The following SUMO2 variants were observed in gnomAD, a reference collection of about 807,000 sequenced individuals.
SUMO2 encodes small ubiquitin-related modifier 2.
Under a neutral mutation model 16.0 loss-of-function variants are expected in SUMO2, and 1 was observed. The observed-to-expected ratio is 0.06, with a 90% CI of 0.02 to 0.30. The LOEUF (loss-of-function observed/expected upper bound fraction) is 0.30, where lower values mean the gene tolerates loss of function less well. SUMO2 is among the 10% of genes least tolerant of loss of function. The probability of loss-of-function intolerance (pLI) is 1.00; values close to 1 mark genes in which losing one functional copy is unlikely to be tolerated. For missense variants in SUMO2, 16 were observed against 117.5 expected, an observed-to-expected ratio of 0.14 and a Z score of 3.99; for synonymous variants, 36 against 40.6, an observed-to-expected ratio of 0.89 and a Z score of 0.43.
intron 2 of SUMO2, 102 bp downstream of exon 2, chr17:75,180,934 GCCAAGTGCATATTCATCCCAT>G (rs1568049424): frequency 1.8e-6 from 2 of 1,117,708 alleles, no homozygotes; most frequent in Admixed American, 4.7e-5. Context: ...AAACTGACGT[GCCAAGTGCATATTCATCCCAT>G]CAAAAAGTCA....
intron 3 of SUMO2, 75 bp downstream of exon 3, chr17:75,174,677 A>C: frequency 7.2e-7 from 1 of 1,393,506 alleles, no homozygotes. Flanking sequence ...CAGTGTCTAA[A>C]CGTTCAAATT....
intron 3 of SUMO2, 31 bp downstream of exon 3, chr17:75,174,721 T>A: frequency 6.3e-7 from 1 of 1,594,912 alleles, no homozygotes; most frequent in Non-Finnish European, 8.6e-7. Context: ...TTACAAATGG[T>A]AATTTTTCTA....
rs1265917959 is a variant in SUMO2 at position 75,167,006 on chromosome 17, G to C, written c.*1333C>G. The C allele has an allele frequency of 6.6e-6, 1 of 151,462 alleles. No individual in the cohort carries two copies. Among genetic ancestry groups the C allele is most frequent in the Admixed American group, 6.6e-5 (1 of 15,056 alleles). The allele number at this position is 151,462 out of a possible 1,614,324, so 9.4% of individuals were successfully genotyped here. On this transcript the variant is annotated 3_prime_UTR_variant, in exon 4 of 4. Coordinates refer to ENST00000420826, the MANE Select transcript of SUMO2 (RefSeq NM_006937.4). Reference sequence around the variant, plus strand: ...AAGGTTCTGAGGATGGATATATATAGATATTTTCTGTCCCTCAATATTCTT... The same window carrying C: ...AAGGTTCTGAGGATGGATATATATACATATTTTCTGTCCCTCAATATTCTT...
chr17:75,180,392 TA>T (rs58684188), intron 2 of SUMO2, among the ~76,000 whole-genome samples: 1,210 of 44,828 alleles, frequency 0.027, 34 homozygotes, highest in African/African-American at 0.09. Flanking sequence ...ACTCCCAGCT[TA>T]AAAAAAAAAA....
At chr17:75,170,563 TG>T (rs1177965452) in intron 3 of SUMO2, among the ~76,000 whole-genome samples, 3 of 148,908 alleles carry the variant, frequency 2.0e-5, no homozygotes, top group East Asian at 3.9e-4. Flanking sequence ...AGCAAGACTC[TG>T]TCTCAAAAAA....
intron 3 of SUMO2, among the ~76,000 whole-genome samples, chr17:75,169,364 C>A (rs929112988): frequency 4.6e-5 from 7 of 151,926 alleles, no homozygotes; most frequent in African/African-American, 1.2e-4. Context: ...CCTGGTGACA[C>A]CCCATCCCTA....
intron 2 of SUMO2, among the ~76,000 whole-genome samples, chr17:75,180,610 C>T (rs192783064): frequency 6.9e-4 from 105 of 151,734 alleles, no homozygotes; most frequent in African/African-American, 2.4e-3. Flanking sequence ...CCCAGATACT[C>T]AGGAGACTGA....
At chr17:75,179,804 G>A (rs1179132977) in intron 2 of SUMO2, among the ~76,000 whole-genome samples, 3 of 151,922 alleles carry the variant, frequency 2.0e-5, no homozygotes, top group African/African-American at 4.8e-5. Context: ...GATTATGCGC[G>A]TGTAACACCA....
chr17:75,166,222 T>C lies in SUMO2; in HGVS notation c.*2117A>G, dbSNP rs2145212376. On this transcript the variant is annotated 3_prime_UTR_variant, in exon 4 of 4. Transcript: ENST00000420826. Reference sequence around the variant, plus strand: ...CGGGCACAGTGGCTCAAGCCTGTAATCTCAGCACTTTGGGAGGCCAAGGCA... The same window carrying C: ...CGGGCACAGTGGCTCAAGCCTGTAACCTCAGCACTTTGGGAGGCCAAGGCA... 6.6e-6 allele frequency: 1 copy of C among 152,058 alleles called. No homozygotes were observed. Among genetic ancestry groups the C allele is most frequent in the South Asian group, 2.1e-4 (1 of 4,806 alleles). 9.4% of individuals were successfully genotyped at this position (152,058 alleles called of 1,614,324 possible).
intron 2 of SUMO2, among the ~76,000 whole-genome samples, chr17:75,177,556 C>T (rs2145223635): frequency 6.6e-6 from 1 of 151,226 alleles, no homozygotes; most frequent in South Asian, 2.1e-4. Flanking sequence ...GTGGTGCATG[C>T]CTGTAATCCC....
chr17:75,174,846 TA>T (rs775524639), intron 2 of SUMO2, 23 bp from the exon 3 acceptor site: 1 of 1,601,352 alleles, frequency 6.2e-7, no homozygotes, highest in African/African-American at 1.3e-5. Context: ...TTAAAAGCAA[TA>T]AACAGCATTA....
chr17:75,174,779 T>C lies in SUMO2; in HGVS notation c.198A>G (p.Pro66=). 6.2e-7 allele frequency: 1 copy of C among 1,614,056 alleles called. No individual in the cohort carries two copies. The highest frequency in any genetic ancestry group is 8.5e-7 in the Non-Finnish European group (1 of 1,179,984). The change falls in exon 3 of 4, where the codon CCA becomes CCG. Residue 66 remains proline (P), a synonymous_variant. Transcript: ENST00000420826. ...GTGCAGGTGTGTCTGTTTCATTGAT[T>C]GGTTGCCCGTCAAATCGGAATCTGA... ...RQIRFRFDGQ[P]INETDTPAQL...
chr17:75,170,626 G>A (rs2074729857), intron 3 of SUMO2, among the ~76,000 whole-genome samples: 1 of 151,220 alleles, frequency 6.6e-6, no homozygotes, highest in Non-Finnish European at 1.5e-5. Context: ...CAGGCGTGGT[G>A]GCTCACAAGG....
chr17:75,174,669 G>T, intron 3 of SUMO2, 83 bp downstream of exon 3: 2 of 1,288,374 alleles, frequency 1.6e-6, no homozygotes, highest in Non-Finnish European at 1.1e-6. Flanking sequence ...TTATACTCCA[G>T]TGTCTAAACG....
rs759408795 is a variant in SUMO2, at chr17:75,168,327, C to G, written c.*12G>C. 6.4e-7 allele frequency: 1 copy of G among 1,574,144 alleles called. No individual in the cohort carries two copies. The highest frequency in any genetic ancestry group is 1.4e-5 in the African/African-American group (1 of 73,324). On this transcript the variant is annotated 3_prime_UTR_variant, in exon 4 of 4. Transcript: ENST00000420826. ...AGAACAGAGTTCTGGAGTAAAGAAG[C>G]AGGTTCCCTTTTCAGTAGACACCTC... is the stretch of plus-strand genomic sequence containing the variant.
intron 3 of SUMO2, 75 bp from the exon 4 acceptor site, chr17:75,168,476 G>T (rs549378393): frequency 3.1e-6 from 4 of 1,303,818 alleles, no homozygotes; most frequent in Non-Finnish European, 4.3e-6. Context: ...GTTTAAGTAT[G>T]CTGAAAACAT....
chr17:75,180,183 G>A (rs1047590453), intron 2 of SUMO2, among the ~76,000 whole-genome samples: 8 of 150,840 alleles, frequency 5.3e-5, no homozygotes, highest in East Asian at 2.0e-4. Flanking sequence ...GCGTGGTGGC[G>A]CACGCCTGAA....
intron 3 of SUMO2, among the ~76,000 whole-genome samples, chr17:75,173,021 C>CAA (rs1226319488): frequency 6.6e-6 from 1 of 152,162 alleles, no homozygotes; most frequent in Non-Finnish European, 1.5e-5. Flanking sequence ...AGATTATCAA[C>CAA]AAAACTACAA....
chr17:75,175,817 G>A (rs547582002), intron 2 of SUMO2, among the ~76,000 whole-genome samples: 27 of 151,826 alleles, frequency 1.8e-4, no homozygotes, highest in African/African-American at 5.8e-4. Flanking sequence ...GTTTTTAGTA[G>A]AGACAGGGTT....
Sources: gnomAD v4.1 joint callset for allele counts (sites outside exome capture counted in the v4.1 genomes callset) on GRCh38, gnomAD v4.1.1 for gene constraint, MANE v1.5 for transcripts, NCBI Gene and HGNC (gene_info 2026-07-23, HGNC 2026-07-21) for gene names.